The following SLC27A5 variants were observed in gnomAD, a reference collection of about 807,000 sequenced individuals.
The protein encoded by SLC27A5 is long-chain fatty acid transport protein 5.
Under a neutral mutation model 63.1 loss-of-function variants are expected in SLC27A5, and 47 were observed. That is an observed-to-expected ratio of 0.74 (90% confidence interval 0.59 to 0.95). The LOEUF is 0.95. Among genes scored for constraint, SLC27A5 ranks in the 40% least tolerant of loss-of-function variants. The probability of loss-of-function intolerance (pLI) is 0.00; values close to 1 mark genes in which losing one functional copy is unlikely to be tolerated. For synonymous variants in SLC27A5, 391 were observed against 403.8 expected (o/e 0.97, Z 0.38); for missense variants, 940 against 921.0 (o/e 1.02, Z -0.27).
rs564670063 is a variant in SLC27A5 at position 58,503,003 on chromosome 19, A to G, written c.1058-1593T>C. 4.2e-3 allele frequency among the ~76,000 whole-genome samples: 644 copies of G among 151,972 alleles called. 3 individuals are homozygous for G. The highest frequency in any genetic ancestry group is 6.9e-3 in the Middle Eastern group (2 of 290). ...GGGCGGATCACGAGGTCAGGAGATC[A>G]AGACCATCCTGGCTAACACGGTGAA... On this transcript the variant is annotated intron_variant, in intron 3 of 9. Transcript: ENST00000263093.
At chr19:58,499,302 G>A in intron 7 of SLC27A5, 82 bp from the exon 8 acceptor site, 1 of 1,448,552 alleles carries the variant, frequency 6.9e-7, no homozygotes, top group Non-Finnish European at 9.5e-7. Flanking sequence ...GCCCCTTTTG[G>A]GGATCAGGAG....
intron 6 of SLC27A5, 91 bp downstream of exon 6, chr19:58,500,248 A>G (rs1008253935): frequency 7.3e-6 from 8 of 1,096,108 alleles, no homozygotes; most frequent in Admixed American, 3.6e-5. Context: ...GTGAGCACCA[A>G]CGTCAAGCTT....
chr19:58,500,172 AGGCCCC>A (rs2053257248), intron 6 of SLC27A5, among the ~76,000 whole-genome samples, 161 bp downstream of exon 6: 1 of 151,964 alleles, frequency 6.6e-6, no homozygotes, highest in African/African-American at 2.4e-5. Context: ...GCTGAGGCGG[AGGCCCC>A]AGATGGTGGT....
chr19:58,505,068 G>A (rs1432578349), intron 3 of SLC27A5, among the ~76,000 whole-genome samples: 24 of 147,038 alleles, frequency 1.6e-4, no homozygotes, highest in African/African-American at 4.7e-4. Flanking sequence ...GCTGGGTGAA[G>A]ATACCTGAGA....
At position 58,511,908 on chromosome 19, in the gene SLC27A5, C is replaced by A. The variant is rs939044846; in HGVS notation, c.48G>T (p.Leu16=). 6.5e-7 allele frequency: 1 copy of A among 1,547,458 alleles called. No homozygotes were observed. ...ACACTGGCTGCCCCAGGCCCCAGAG[C>A]AGGAGCAGCAGCAGCAGCAGCAAGG... ...QLALLLLLLL[L]LWGLGQPVWP... The change falls in exon 1 of 10, where the codon CTG becomes CTT. Residue 16 remains leucine, a synonymous_variant. Coordinates refer to ENST00000263093, the MANE Select transcript of SLC27A5 (RefSeq NM_012254.3).
rs759268537 is a variant in SLC27A5, at chr19:58,498,711, G to T, written c.1897-20C>A. 3 of 1,611,824 alleles carry T rather than the reference G, an allele frequency of 1.9e-6. No individual in the cohort carries two copies. Among genetic ancestry groups the T allele is most frequent in the Non-Finnish European group, 1.7e-6 (2 of 1,178,284 alleles). Reference sequence around the variant, plus strand: ...GGCGTCCTGCAGGGCAGTGACCATGGTCCAATCACTGTGACATCCACCCGC... The same window carrying T: ...GGCGTCCTGCAGGGCAGTGACCATGTTCCAATCACTGTGACATCCACCCGC... On this transcript the variant is annotated intron_variant, in intron 9 of 9. Coordinates refer to ENST00000263093, the MANE Select transcript of SLC27A5 (RefSeq NM_012254.3).
chr19:58,503,204 TAA>T (rs35752989), intron 3 of SLC27A5, among the ~76,000 whole-genome samples: 46 of 127,348 alleles, frequency 3.6e-4, no homozygotes, highest in Non-Finnish European at 3.4e-4. Flanking sequence ...GACTCTGTCT[TAA>T]AAAAAAAAAA....
chr19:58,501,772 C>T (rs1054001777), intron 3 of SLC27A5, among the ~76,000 whole-genome samples: 1 of 152,244 alleles, frequency 6.6e-6, no homozygotes, highest in Admixed American at 6.5e-5. Context: ...CTCCCGGGTT[C>T]AAGCGATTCT....
At position 58,498,414 on chromosome 19, in the gene SLC27A5, C is replaced by A. The variant is rs551591282; in HGVS notation, c.*101G>T. On this transcript the variant is annotated 3_prime_UTR_variant, in exon 10 of 10. Coordinates refer to ENST00000263093, the MANE Select transcript of SLC27A5 (RefSeq NM_012254.3). ...CAGCCCACTGAGGTTGAGGGTATGGCCAGGCTGGGATTCACACAGGCCCAG... is the reference window on the plus strand; with the variant it reads ...CAGCCCACTGAGGTTGAGGGTATGGACAGGCTGGGATTCACACAGGCCCAG... 2.5e-5 allele frequency: 32 copies of A among 1,260,356 alleles called. No individual in the cohort carries two copies. Among genetic ancestry groups the A allele is most frequent in the Non-Finnish European group, 3.4e-5 (31 of 922,182 alleles). 78.1% of individuals were successfully genotyped at this position (1,260,356 alleles called of 1,614,324 possible).
chr19:58,511,914 C>G lies in SLC27A5; in HGVS notation c.42G>C (p.Leu14=), dbSNP rs1402242713. 2 of 1,536,572 alleles carry G rather than the reference C, an allele frequency of 1.3e-6. No individual in the cohort carries two copies. The highest frequency in any genetic ancestry group is 1.4e-5 in the African/African-American group (1 of 72,816). ...RQQLALLLLL[L]LLLWGLGQPV... is the part of the protein sequence containing the mutation. Reference sequence around the variant, plus strand: ...GCTGCCCCAGGCCCCAGAGCAGGAGCAGCAGCAGCAGCAGCAAGGCCAACT... The same window carrying G: ...GCTGCCCCAGGCCCCAGAGCAGGAGGAGCAGCAGCAGCAGCAAGGCCAACT... The change falls in exon 1 of 10, where the codon CTG becomes CTC. Residue 14 remains leucine, a synonymous_variant. Coordinates refer to ENST00000263093, the MANE Select transcript of SLC27A5 (RefSeq NM_012254.3).
chr19:58,505,098 C>CTT (rs398035153), intron 3 of SLC27A5, among the ~76,000 whole-genome samples: 13 of 108,784 alleles, frequency 1.2e-4, no homozygotes, highest in East Asian at 2.8e-4. Flanking sequence ...ACTATTTTCA[C>CTT]TTTTTTTTTT....
At position 58,498,929 on chromosome 19, in the gene SLC27A5, T is replaced by C. The variant is rs1420997097; in HGVS notation, c.1766-14A>G. On this transcript the variant is annotated splice_polypyrimidine_tract_variant and intron_variant, in intron 8 of 9. Coordinates refer to ENST00000263093, the MANE Select transcript of SLC27A5 (RefSeq NM_012254.3). ...TACCCTCACAACCTAGAGAGCAGTC[T>C]GGTCACTCTCGGCTGACCCATCTCG... is the stretch of plus-strand genomic sequence containing the variant. 2 of 1,608,658 alleles carry C rather than the reference T, an allele frequency of 1.2e-6. No individual in the cohort carries two copies. Among genetic ancestry groups the C allele is most frequent in the Middle Eastern group, 1.7e-4 (1 of 6,054 alleles).
intron 3 of SLC27A5, among the ~76,000 whole-genome samples, chr19:58,505,934 C>T (rs1034301098): frequency 3.3e-5 from 5 of 150,284 alleles, no homozygotes; most frequent in Non-Finnish European, 7.4e-5. Context: ...GGGCGGATCA[C>T]GAGGTCAGGA....
chr19:58,503,103 G>A (rs981584910), intron 3 of SLC27A5, among the ~76,000 whole-genome samples: 13 of 151,988 alleles, frequency 8.6e-5, no homozygotes, highest in African/African-American at 2.7e-4. Context: ...TACTCGGGAG[G>A]CTGAGGCAGG....
Position 58,500,660 on chromosome 19 carries a change from C to T in SLC27A5, c.1229G>A (p.Gly410Glu), listed in dbSNP as rs149709084. ...GGTCTCCCACACATCAGCCCGTAGTCCATTGCCCATTGCCAGGCGGACTGT... is the reference window on the plus strand; with the variant it reads ...GGTCTCCCACACATCAGCCCGTAGTTCATTGCCCATTGCCAGGCGGACTGT... ...THTVRLAMGN[G>E]LRADVWETFQ... is the part of the protein sequence containing the mutation. Residue 410 changes from glycine (G) to glutamate (E), a missense_variant, in exon 5 of 10, where the codon GGA becomes GAA. By Grantham distance (98) the Gly-to-Glu change is moderately conservative. Transcript: ENST00000263093. 2.2e-3 allele frequency: 3,483 copies of T among 1,614,112 alleles called. 6 individuals carry two copies. Among genetic ancestry groups the T allele is most frequent in the Non-Finnish European group, 2.6e-3 (3,095 of 1,180,020 alleles).
chr19:58,507,031 C>A lies in SLC27A5; in HGVS notation c.1057+2816G>T, dbSNP rs181247474. 5.5e-4 allele frequency among the ~76,000 whole-genome samples: 84 copies of A among 151,876 alleles called. 2 individuals carry two copies. In the South Asian group the frequency reaches 1.0e-2, roughly 18 times the overall value. On this transcript the variant is annotated intron_variant, in intron 3 of 9. Coordinates refer to ENST00000263093, the MANE Select transcript of SLC27A5 (RefSeq NM_012254.3). ...GTGCTGGGATTACAGGCGTGAACCA[C>A]CGGGCACAGCTAAACTTTTCATAAT...
In SLC27A5 at chr19:58,500,910, G is replaced by A. The variant is rs1185695217; in HGVS notation, c.1183-204C>T. The A allele has an allele frequency of 4.3e-6, 6 of 1,404,254 alleles. No homozygotes were observed. The African/African-American group carries it at 4.3e-5, about 10-fold the overall frequency. The allele number at this position is 1,404,254 out of a possible 1,614,324, so 87.0% of individuals were successfully genotyped here. A position where few individuals can be genotyped will look rare whatever the true frequency, so the allele number is the denominator to read the frequency against. On this transcript the variant is annotated intron_variant, in intron 4 of 9. Transcript: ENST00000263093. ...TAAATAGAGGGTTACCTGCAGGGGC[G>A]ACCTCAGAGCTTTGCCTGGGGGACG... is the stretch of plus-strand genomic sequence containing the variant.
chr19:58,506,322 G>T (rs1157301206), intron 3 of SLC27A5, among the ~76,000 whole-genome samples: 1 of 152,150 alleles, frequency 6.6e-6, no homozygotes, highest in Non-Finnish European at 1.5e-5. Flanking sequence ...ATCACCTGAG[G>T]TCAGGAGTTC....
At chr19:58,510,157 A>G in intron 2 of SLC27A5, 152 bp from the exon 3 acceptor site, 1 of 683,004 alleles carries the variant, frequency 1.5e-6, no homozygotes, top group Non-Finnish European at 2.3e-6. Flanking sequence ...TTGGGTTCAC[A>G]GGCTGAATTT....
Sources: allele counts gnomAD v4.1 joint callset (sites outside exome capture counted in the v4.1 genomes callset), GRCh38; gene constraint gnomAD v4.1.1; transcripts MANE v1.5; gene names NCBI Gene and HGNC (gene_info 2026-07-23, HGNC 2026-07-21).